The following TMC1 variants were observed in gnomAD, a reference collection of about 807,000 sequenced individuals.
The protein encoded by TMC1 is transmembrane channel like 1, also known as transmembrane channel-like protein 1.
In TMC1, 84 loss-of-function variants were observed where a neutral mutation model predicts 105.8. The observed-to-expected ratio is 0.79, with a 90% CI of 0.67 to 0.95. The LOEUF is 0.95. Among genes scored for constraint, TMC1 ranks in the 40% least tolerant of loss-of-function variants. The pLI is 0.00. For missense variants in TMC1, 817 were observed against 914.1 expected (o/e 0.89, Z 1.37); for synonymous variants, 315 against 311.5 (o/e 1.01, Z -0.12).
intron 2 of TMC1, among the ~76,000 whole-genome samples, chr9:72,602,514 A>G (rs755334793): frequency 8.6e-5 from 13 of 151,798 alleles, no homozygotes; most frequent in Non-Finnish European, 2.9e-5. Context: ...AACTGGGACT[A>G]CAGGCATGTG....
chr9:72,625,619 C>T (rs1407561391), intron 3 of TMC1, among the ~76,000 whole-genome samples: 1 of 147,652 alleles, frequency 6.8e-6, no homozygotes, highest in South Asian at 2.1e-4. Flanking sequence ...ACCCAGGAGG[C>T]GGAGCTTGCA....
At chr9:72,811,551 C>G (rs562686355) in intron 18 of TMC1, among the ~76,000 whole-genome samples, 1 of 152,258 alleles carries the variant, frequency 6.6e-6, no homozygotes. Flanking sequence ...ATCTTCACTT[C>G]AGTTTTCATT....
At chr9:72,700,189 T>C (rs1384842889) in intron 7 of TMC1, among the ~76,000 whole-genome samples, 4 of 149,686 alleles carry the variant, frequency 2.7e-5, no homozygotes, top group African/African-American at 9.9e-5. Flanking sequence ...AGGCAGAGGT[T>C]GCAGTGAGCC....
chr9:72,818,207 C>T (rs565991373), intron 19 of TMC1, among the ~76,000 whole-genome samples: 23 of 152,070 alleles, frequency 1.5e-4, no homozygotes, highest in Admixed American at 9.2e-4. Context: ...TAAAAATGTA[C>T]GGGGATGTTT....
intron 2 of TMC1, among the ~76,000 whole-genome samples, chr9:72,605,293 G>T (rs1000675929): frequency 2.0e-5 from 3 of 152,172 alleles, no homozygotes; most frequent in Non-Finnish European, 4.4e-5. Flanking sequence ...AATTTCTGGG[G>T]ATGAGGAATC....
chr9:72,709,791 A>G (rs1229460094), intron 8 of TMC1, among the ~76,000 whole-genome samples: 2 of 151,972 alleles, frequency 1.3e-5, no homozygotes, highest in Non-Finnish European at 2.9e-5. Context: ...TATCAATTTT[A>G]TTTATCTTTT....
In TMC1 at chr9:72,631,919, AT is replaced by A. The variant is rs569462856; in HGVS notation, c.-53+3857del. On this transcript the variant is annotated intron_variant, in intron 4 of 23. Transcript: ENST00000297784. ...GAAAAGTCACCAGGGTGAGATGGAA[AT>A]AGATATAGGAAGAATAGTGAACGGT... Among the ~76,000 whole-genome samples the A allele has an allele frequency of 2.4e-4, 37 of 152,390 alleles. No individual in the cohort carries two copies. The East Asian group carries it at 6.5e-3, about 27-fold the overall frequency.
chr9:72,732,278 A>G (rs1827223917), intron 8 of TMC1, among the ~76,000 whole-genome samples: 1 of 152,174 alleles, frequency 6.6e-6, no homozygotes, highest in African/African-American at 2.4e-5. Flanking sequence ...AATAATAAAT[A>G]TCAGCTGGGC....
chr9:72,522,698 G>A (rs972469145), intron 1 of TMC1, among the ~76,000 whole-genome samples: 1 of 152,318 alleles, frequency 6.6e-6, no homozygotes, highest in African/African-American at 2.4e-5. Flanking sequence ...ATAACATACA[G>A]CTGTCAGAAG....
At chr9:72,659,459 AC>A (rs35928519) in intron 5 of TMC1, among the ~76,000 whole-genome samples, 1 of 152,038 alleles carries the variant, frequency 6.6e-6, no homozygotes, top group African/African-American at 2.4e-5. Context: ...ACATGGTGAA[AC>A]CCCATCTCTA....
Position 72,754,867 on chromosome 9 carries a change from G to T in TMC1, c.724G>T (p.Val242Leu). ...AGAGGCATCGGCAGCAAACTTTGGT[G>T]TGTTGTACGACTTCAATGTAAGTGT... ...AEEASAANFG[V>L]LYDFNGLAQY... The change falls in exon 12 of 24, where the codon GTG becomes TTG. Residue 242 changes from valine (V) to leucine (L), a missense_variant. Coordinates refer to ENST00000297784, the MANE Select transcript of TMC1 (RefSeq NM_138691.3). 6.2e-7 allele frequency: 1 copy of T among 1,613,916 alleles called. No individual in the cohort carries two copies. The highest frequency in any genetic ancestry group is 8.5e-7 in the Non-Finnish European group (1 of 1,179,810).
At chr9:72,686,717 A>C (rs1826386275) in intron 5 of TMC1, among the ~76,000 whole-genome samples, 1 of 152,206 alleles carries the variant, frequency 6.6e-6, no homozygotes, top group Non-Finnish European at 1.5e-5. Context: ...TTAAGCAAAG[A>C]AGGCACCTAA....
intron 5 of TMC1, among the ~76,000 whole-genome samples, chr9:72,680,613 A>G (rs1411981579): frequency 6.6e-6 from 1 of 152,132 alleles, no homozygotes; most frequent in Non-Finnish European, 1.5e-5. Flanking sequence ...TTAGGAAACT[A>G]TGAATCTAAG....
intron 5 of TMC1, among the ~76,000 whole-genome samples, chr9:72,687,102 T>A (rs1373667752): frequency 6.6e-6 from 1 of 152,172 alleles, no homozygotes; most frequent in African/African-American, 2.4e-5. Flanking sequence ...GTTCATTTAG[T>A]AGGTTTTTCT....
chr9:72,626,543 G>T (rs1825351066), intron 3 of TMC1, among the ~76,000 whole-genome samples: 1 of 152,194 alleles, frequency 6.6e-6, no homozygotes, highest in Non-Finnish European at 1.5e-5. Context: ...CATTTGCAAG[G>T]AGACAGAGAA....
At chr9:72,574,558 A>G (rs1412746840) in intron 1 of TMC1, among the ~76,000 whole-genome samples, 1 of 152,200 alleles carries the variant, frequency 6.6e-6, no homozygotes, top group Admixed American at 6.5e-5. Flanking sequence ...CCCTGGTAAT[A>G]TGGAATTAGC....
chr9:72,529,260 A>G (rs1823457375), intron 1 of TMC1, among the ~76,000 whole-genome samples: 1 of 152,080 alleles, frequency 6.6e-6, no homozygotes. Context: ...CTGGTAAAGG[A>G]CTGCATGAGA....
intron 1 of TMC1, among the ~76,000 whole-genome samples, chr9:72,537,345 G>A (rs189513956): frequency 2.7e-4 from 41 of 152,260 alleles, no homozygotes; most frequent in African/African-American, 9.4e-4. Context: ...TCTCTAGCAA[G>A]TGTTTGGCTG....
chr9:72,789,392 A>T (rs1170971573), intron 15 of TMC1, 75 bp downstream of exon 15: 17 of 1,481,476 alleles, frequency 1.1e-5, no homozygotes, highest in Non-Finnish European at 1.6e-5. Flanking sequence ...TCTTTGATGG[A>T]ACATTTAAAA....
Sources: allele counts gnomAD v4.1 joint callset (sites outside exome capture counted in the v4.1 genomes callset), GRCh38; gene constraint gnomAD v4.1.1; transcripts MANE v1.5; gene names NCBI Gene and HGNC (gene_info 2026-07-23, HGNC 2026-07-21).